Variants in CSMD1 observed in about 807,000 individuals in gnomAD.
CSMD1 encodes CUB and sushi domain-containing protein 1.
CSMD1 carries 213 observed loss-of-function variants against 417.5 expected under a neutral mutation model. That is an observed-to-expected ratio of 0.51 (90% CI 0.46 to 0.57). The LOEUF (loss-of-function observed/expected upper bound fraction) is 0.57, where lower values mean the gene tolerates loss of function less well. Ranked by LOEUF, CSMD1 falls within the 20% of genes least tolerant of loss-of-function variation. CSMD1 has a pLI of 0.00. For missense variants in CSMD1, 6,923 were observed against 4,529.7 expected, an observed-to-expected ratio of 1.53 and a Z score of -15.17; for synonymous variants, 2,862 against 1,736.8, an observed-to-expected ratio of 1.65 and a Z score of -16.11.
intron 14 of CSMD1, among the ~76,000 whole-genome samples, chr8:3,407,235 G>T (rs987207721): frequency 5.9e-5 from 9 of 151,800 alleles, no homozygotes; most frequent in African/African-American, 2.2e-4. Flanking sequence ...TGGACAAAAC[G>T]ATGGAAGGGA....
At chr8:3,794,301 A>C (rs7830218) in intron 5 of CSMD1, among the ~76,000 whole-genome samples, 2 of 152,130 alleles carry the variant, frequency 1.3e-5, no homozygotes, top group African/African-American at 4.8e-5. Flanking sequence ...AGCGACTTCA[A>C]ACTGAAAACT....
chr8:3,313,205 A>G (rs1193815160), intron 23 of CSMD1, among the ~76,000 whole-genome samples: 3 of 152,230 alleles, frequency 2.0e-5, no homozygotes, highest in African/African-American at 7.2e-5. Flanking sequence ...GGACATAGGC[A>G]TGGGCAAAGA....
intron 1 of CSMD1, among the ~76,000 whole-genome samples, chr8:4,906,603 G>C (rs1805296391): frequency 6.6e-6 from 1 of 150,386 alleles, no homozygotes; most frequent in South Asian, 2.1e-4. Flanking sequence ...TTGTCGACCA[G>C]GTTGAAGTGC....
chr8:3,577,540 A>G (rs953764992), intron 9 of CSMD1, among the ~76,000 whole-genome samples: 1 of 152,176 alleles, frequency 6.6e-6, no homozygotes, highest in Non-Finnish European at 1.5e-5. Context: ...CAGACCAGAG[A>G]TTTGTGTCTG....
At chr8:4,855,763 G>A (rs1194374094) in intron 1 of CSMD1, among the ~76,000 whole-genome samples, 2 of 152,062 alleles carry the variant, frequency 1.3e-5, no homozygotes, top group South Asian at 2.1e-4. Flanking sequence ...AAGGGACTAT[G>A]TGAAAAGACC....
intron 3 of CSMD1, among the ~76,000 whole-genome samples, chr8:4,248,074 G>T (rs968658820): frequency 6.6e-6 from 1 of 151,964 alleles, no homozygotes; most frequent in Non-Finnish European, 1.5e-5. Context: ...AATTGTTAAG[G>T]AACTTTCTTC....
chr8:3,334,823 G>A (rs147901767), intron 23 of CSMD1, among the ~76,000 whole-genome samples: 1 of 152,046 alleles, frequency 6.6e-6, no homozygotes, highest in African/African-American at 2.4e-5. Flanking sequence ...AACTGAGTAT[G>A]ACCAGGCAGT....
intron 1 of CSMD1, among the ~76,000 whole-genome samples, chr8:4,686,172 C>G (rs370642054): frequency 3.9e-5 from 6 of 152,182 alleles, no homozygotes; most frequent in East Asian, 1.9e-4. Flanking sequence ...AGAAGCAGTG[C>G]AAGGAACGTA....
intron 5 of CSMD1, among the ~76,000 whole-genome samples, chr8:3,781,586 A>G (rs1162733351): frequency 6.6e-6 from 1 of 152,168 alleles, no homozygotes; most frequent in Admixed American, 6.5e-5. Flanking sequence ...TCCAATTATC[A>G]GTGTACTCTG....
chr8:3,235,301 T>C (rs754402842), intron 26 of CSMD1, among the ~76,000 whole-genome samples: 3 of 152,220 alleles, frequency 2.0e-5, no homozygotes, highest in East Asian at 1.9e-4. Flanking sequence ...CTCATTCCCA[T>C]ATTTTTATTT....
rs75975272 is a variant in CSMD1 at position 4,953,497 on chromosome 8, C to T, written c.85+40835G>A. Among the ~76,000 whole-genome samples, 143 of 152,192 alleles carry T rather than the reference C, an allele frequency of 9.4e-4. No homozygotes were observed. In the East Asian group the frequency reaches 0.02, roughly 22 times the overall value. On this transcript the variant is annotated intron_variant, in intron 1 of 69. Coordinates refer to ENST00000635120, the MANE Select transcript of CSMD1 (RefSeq NM_033225.6). ...GAGCATTTCTGGATGAACCCAACAT[C>T]GTCCACGGTGGCAAGTTATGTAACT...
chr8:3,373,916 T>C (rs538601445), intron 18 of CSMD1, among the ~76,000 whole-genome samples: 17 of 151,898 alleles, frequency 1.1e-4, no homozygotes, highest in Non-Finnish European at 2.5e-4. Flanking sequence ...TACGTTGTGA[T>C]ATTTTCCTGG....
rs1799754157 is a variant in CSMD1 at position 4,203,029 on chromosome 8, CT to C, written c.416-170931del. Among the ~76,000 whole-genome samples, 4 of 152,228 alleles carry C rather than the reference CT, an allele frequency of 2.6e-5. No individual in the cohort carries two copies. The South Asian group carries it at 6.2e-4, about 24-fold the overall frequency. On this transcript the variant is annotated intron_variant, in intron 3 of 69. Coordinates refer to ENST00000635120, the MANE Select transcript of CSMD1 (RefSeq NM_033225.6). ...AGAACCTGTGACTATGTTTCCTTAC[CT>C]GCTGAGAGGATTTGACAGGTGTGAG...
intron 3 of CSMD1, among the ~76,000 whole-genome samples, chr8:4,032,403 A>T (rs1797394841): frequency 6.6e-6 from 1 of 151,704 alleles, no homozygotes; most frequent in African/African-American, 2.4e-5. Context: ...TCTAGTCACA[A>T]AATTCTACTT....
At chr8:4,308,780 C>T (rs1243197541) in intron 3 of CSMD1, among the ~76,000 whole-genome samples, 1 of 152,130 alleles carries the variant, frequency 6.6e-6, no homozygotes, top group Non-Finnish European at 1.5e-5. Flanking sequence ...AGATTATTTA[C>T]AAAACTAATT....
At chr8:3,016,997 T>C (rs945952196) in intron 52 of CSMD1, among the ~76,000 whole-genome samples, 2 of 152,230 alleles carry the variant, frequency 1.3e-5, no homozygotes, top group South Asian at 2.1e-4. Flanking sequence ...TTAACAGTTA[T>C]GTAAACTGAA....
intron 3 of CSMD1, among the ~76,000 whole-genome samples, chr8:4,274,302 C>A (rs1396624831): frequency 6.6e-6 from 1 of 152,092 alleles, no homozygotes; most frequent in Non-Finnish European, 1.5e-5. Context: ...TGAAGTATCA[C>A]CCAACTGGCA....
chr8:3,607,461 T>G (rs1377047407), intron 8 of CSMD1, among the ~76,000 whole-genome samples: 2 of 152,210 alleles, frequency 1.3e-5, no homozygotes, highest in African/African-American at 4.8e-5. Context: ...AGACAGTCAT[T>G]GATTCTCATT....
intron 3 of CSMD1, among the ~76,000 whole-genome samples, chr8:4,348,375 G>C (rs1202894764): frequency 1.3e-5 from 2 of 152,080 alleles, no homozygotes; most frequent in Non-Finnish European, 2.9e-5. Flanking sequence ...TACGCTACAA[G>C]TGTTTAAAGA....
Sources: gnomAD v4.1 joint callset for allele counts (sites outside exome capture counted in the v4.1 genomes callset) on GRCh38, gnomAD v4.1.1 for gene constraint, MANE v1.5 for transcripts, NCBI Gene and HGNC (gene_info 2026-07-23, HGNC 2026-07-21) for gene names.